EXOC2: variants seen among roughly 807,000 people sequenced by gnomAD.
EXOC2 encodes exocyst complex component 2, also known as SEC5-like 1.
In EXOC2, 70 loss-of-function variants were observed where a neutral mutation model predicts 131.8. The ratio of observed to expected loss-of-function variants is 0.53; its 90% CI spans 0.44 to 0.65. The LOEUF (loss-of-function observed/expected upper bound fraction) is 0.65. Ranked by LOEUF, EXOC2 falls within the 30% of genes least tolerant of loss-of-function variation. The pLI is 0.00. For missense variants in EXOC2, 923 were observed against 1,108.6 expected (o/e 0.83, Z 2.38); for synonymous variants, 411 against 398.4 (o/e 1.03, Z -0.38).
intron 17 of EXOC2, among the ~76,000 whole-genome samples, chr6:557,593 G>A (rs1361897139): frequency 6.7e-6 from 1 of 148,906 alleles, no homozygotes; most frequent in Admixed American, 6.7e-5. Flanking sequence ...ACTCCAGCCT[G>A]GGTGACAGAG....
At chr6:488,179 C>T (rs554131294) in intron 27 of EXOC2, among the ~76,000 whole-genome samples, 25 of 152,246 alleles carry the variant, frequency 1.6e-4, no homozygotes, top group Admixed American at 4.6e-4. Flanking sequence ...CTGCTCTGTG[C>T]GTCGATGCCA....
In EXOC2 at chr6:658,942, G is replaced by A. The variant is rs9504635; in HGVS notation, c.-43-21081C>T. Among the ~76,000 whole-genome samples, 435 of 152,126 alleles carry A rather than the reference G, an allele frequency of 2.9e-3. 1 individual carries two copies. Among genetic ancestry groups the A allele is most frequent in the African/African-American group, 0.01 (421 of 41,502 alleles). On this transcript the variant is annotated intron_variant, in intron 1 of 27. Coordinates refer to ENST00000230449, the MANE Select transcript of EXOC2 (RefSeq NM_018303.6). The stretch of plus-strand genomic sequence containing the variant: ...CTCTCAAAGTGCTGGGATTATAGGC[G>A]TGAGCCACTGCGCCCAGCCAAGATA...
chr6:493,298 T>C (rs1763539685), intron 25 of EXOC2, among the ~76,000 whole-genome samples: 1 of 152,218 alleles, frequency 6.6e-6, no homozygotes, highest in Non-Finnish European at 1.5e-5. Context: ...AAACAGTATA[T>C]AACTAGAAAG....
chr6:643,730 G>A (rs1762460726), intron 1 of EXOC2, among the ~76,000 whole-genome samples: 1 of 151,574 alleles, frequency 6.6e-6, no homozygotes, highest in African/African-American at 2.4e-5. Context: ...AATAACATAA[G>A]TAAAAAGAAT....
At chr6:645,671 C>A (rs557828139) in intron 1 of EXOC2, among the ~76,000 whole-genome samples, 3 of 152,012 alleles carry the variant, frequency 2.0e-5, no homozygotes, top group Admixed American at 2.0e-4. Context: ...TGGTATGTGA[C>A]AAAGAAGTGT....
At chr6:610,812 CT>C (rs1284501751) in intron 6 of EXOC2, among the ~76,000 whole-genome samples, 21 of 152,106 alleles carry the variant, frequency 1.4e-4, no homozygotes, top group Non-Finnish European at 2.4e-4. Context: ...TATTTTTCAT[CT>C]TTTTTTCTTT....
Position 620,667 on chromosome 6 carries a change from C to T in EXOC2, c.423-1124G>A, listed in dbSNP as rs538170284. ...AGTCTTGCTGTCTCCTCATTACAAA[C>T]ACAGCCTCAATTCAGAAATTAGGCA... On this transcript the variant is annotated intron_variant, in intron 4 of 27. Coordinates refer to ENST00000230449, the MANE Select transcript of EXOC2 (RefSeq NM_018303.6). 1.6e-4 allele frequency among the ~76,000 whole-genome samples: 25 copies of T among 152,342 alleles called. 1 individual carries two copies. In the South Asian group the frequency reaches 5.0e-3, roughly 30 times the overall value.
chr6:585,055 G>A (rs1051080241), intron 11 of EXOC2, among the ~76,000 whole-genome samples: 8 of 152,140 alleles, frequency 5.3e-5, no homozygotes, highest in African/African-American at 1.9e-4. Context: ...TAAGAGACGG[G>A]TGACACTTCT....
intron 21 of EXOC2, among the ~76,000 whole-genome samples, chr6:551,612 C>T (rs1007723747): frequency 1.3e-5 from 2 of 152,104 alleles, no homozygotes; most frequent in Non-Finnish European, 2.9e-5. Flanking sequence ...AGTGCAGGGA[C>T]ACAGCACACC....
chr6:523,028 A>T (rs1765560765), intron 23 of EXOC2, among the ~76,000 whole-genome samples: 1 of 152,284 alleles, frequency 6.6e-6, no homozygotes, highest in Non-Finnish European at 1.5e-5. Flanking sequence ...AGAATATTTC[A>T]GCAGGATTTG....
intron 1 of EXOC2, among the ~76,000 whole-genome samples, chr6:684,879 G>A (rs188901934): frequency 4.6e-5 from 7 of 152,294 alleles, no homozygotes; most frequent in Admixed American, 6.5e-5. Flanking sequence ...GTAATGAAGA[G>A]TTTCGCTGAT....
chr6:507,064 CCACACACACACACACAGCAGTGACTA>C (rs1764578132), intron 23 of EXOC2, among the ~76,000 whole-genome samples: 2 of 137,600 alleles, frequency 1.5e-5, no homozygotes, highest in African/African-American at 5.4e-5. Flanking sequence ...AGCAGTGATC[CCACACACACACACACAGCAGTGACTA>C]CATACACACA....
At chr6:648,129 G>A (rs1339794709) in intron 1 of EXOC2, among the ~76,000 whole-genome samples, 1 of 152,208 alleles carries the variant, frequency 6.6e-6, no homozygotes, top group Non-Finnish European at 1.5e-5. Context: ...TCACACTGCA[G>A]TATCCGTAGC....
intron 27 of EXOC2, 115 bp from the exon 28 acceptor site, chr6:486,879 C>T: frequency 1.4e-6 from 1 of 702,358 alleles, no homozygotes; most frequent in Non-Finnish European, 2.4e-6. Flanking sequence ...GTGGAGAAGG[C>T]AGCTGAAAAG....
chr6:487,350 T>C (rs1172324885), intron 27 of EXOC2, among the ~76,000 whole-genome samples: 1 of 152,180 alleles, frequency 6.6e-6, no homozygotes, highest in Non-Finnish European at 1.5e-5. Context: ...ACTAGGCAAA[T>C]CGCTTTGCTG....
intron 1 of EXOC2, among the ~76,000 whole-genome samples, chr6:679,781 A>G (rs1442200628): frequency 6.6e-6 from 1 of 152,254 alleles, no homozygotes; most frequent in African/African-American, 2.4e-5. Flanking sequence ...TGCGAAACCA[A>G]GAGAATACTT....
At chr6:567,305 C>A (rs1026488709) in intron 13 of EXOC2, among the ~76,000 whole-genome samples, 1 of 152,136 alleles carries the variant, frequency 6.6e-6, no homozygotes, top group Non-Finnish European at 1.5e-5. Flanking sequence ...CTGCCTGGGG[C>A]CTGCTTCCCC....
At chr6:599,355 GT>G in intron 7 of EXOC2, 130 bp from the exon 8 acceptor site, 1 of 846,690 alleles carries the variant, frequency 1.2e-6, no homozygotes, top group Non-Finnish European at 1.7e-6. Context: ...CTGTTTTTCA[GT>G]TTAGGGGATC....
chr6:533,041 G>A (rs1329340965), intron 22 of EXOC2, among the ~76,000 whole-genome samples: 4 of 152,144 alleles, frequency 2.6e-5, no homozygotes, highest in African/African-American at 7.2e-5. Flanking sequence ...GGAAGGGGAA[G>A]AGAGCCCCTT....
Sources: gnomAD v4.1 joint callset for allele counts (sites outside exome capture counted in the v4.1 genomes callset) on GRCh38, gnomAD v4.1.1 for gene constraint, MANE v1.5 for transcripts, NCBI Gene and HGNC (gene_info 2026-07-23, HGNC 2026-07-21) for gene names.